OMA1: variants seen among roughly 807,000 people sequenced by gnomAD.
OMA1 encodes the protein OMA1 zinc metallopeptidase, also known as metalloendopeptidase OMA1, mitochondrial.
In OMA1, 38 loss-of-function variants were observed where a neutral mutation model predicts 30.9. The ratio of observed to expected loss-of-function variants is 1.23; its 90% CI spans 0.95 to 1.61. The LOEUF is 1.61. OMA1 is among the 40% of genes most tolerant of loss of function. The pLI, the probability that OMA1 is intolerant of heterozygous loss-of-function variation, is 0.00. For missense variants in OMA1, 461 were observed against 349.2 expected (o/e 1.32, Z -2.55); for synonymous variants, 173 against 121.9 (o/e 1.42, Z -2.76).
chr1:58,483,213 G>A (rs1439639269), intron 8 of OMA1, among the ~76,000 whole-genome samples: 2 of 152,168 alleles, frequency 1.3e-5, no homozygotes, highest in Admixed American at 6.5e-5. Context: ...GGCCTTGTGT[G>A]AATGTGTTCA....
At chr1:58,540,348 A>G (rs1014024810) in intron 1 of OMA1, among the ~76,000 whole-genome samples, 1 of 152,118 alleles carries the variant, frequency 6.6e-6, no homozygotes, top group East Asian at 1.9e-4. Context: ...GGTGCAATTT[A>G]TAATTAAAAA....
intron 3 of OMA1, among the ~76,000 whole-genome samples, chr1:58,535,399 A>T (rs1044006234): frequency 1.3e-5 from 2 of 152,128 alleles, no homozygotes; most frequent in Non-Finnish European, 1.5e-5. Flanking sequence ...GATCAAGACC[A>T]TCCTGGCCAA....
intron 3 of OMA1, among the ~76,000 whole-genome samples, chr1:58,536,241 C>T (rs1273487213): frequency 8.6e-5 from 13 of 152,014 alleles, no homozygotes; most frequent in African/African-American, 4.8e-5. Context: ...CCCTGCCTAA[C>T]CCAGTCTGGA....
At chr1:58,523,613 G>A (rs548399182) in intron 7 of OMA1, among the ~76,000 whole-genome samples, 1 of 152,118 alleles carries the variant, frequency 6.6e-6, no homozygotes, top group South Asian at 2.1e-4. Context: ...AGAACTGGCA[G>A]TCCTGGCCGG....
At chr1:58,539,649 T>C (rs1646573295) in intron 1 of OMA1, among the ~76,000 whole-genome samples, 1 of 152,216 alleles carries the variant, frequency 6.6e-6, no homozygotes, top group South Asian at 2.1e-4. Flanking sequence ...CTTTATCAGT[T>C]TGCAATAACT....
intron 2 of OMA1, among the ~76,000 whole-genome samples, chr1:58,537,241 A>G (rs562204374): frequency 6.6e-6 from 1 of 152,182 alleles, no homozygotes; most frequent in Non-Finnish European, 1.5e-5. Context: ...TAGCCACTTA[A>G]TAGGGATAAA....
At chr1:58,490,838 C>T (rs1485062229) in intron 8 of OMA1, among the ~76,000 whole-genome samples, 3 of 116,652 alleles carry the variant, frequency 2.6e-5, no homozygotes, top group Admixed American at 1.2e-4. Context: ...GACGGACTCT[C>T]GCTCTCGCCC....
intron 7 of OMA1, among the ~76,000 whole-genome samples, chr1:58,515,139 C>T (rs1303006116): frequency 6.6e-6 from 1 of 152,148 alleles, no homozygotes; most frequent in Admixed American, 6.6e-5. Flanking sequence ...TCTTAAAGCT[C>T]ATTTTATTTT....
chr1:58,485,467 C>A (rs1645561599), intron 8 of OMA1, among the ~76,000 whole-genome samples: 1 of 151,664 alleles, frequency 6.6e-6, no homozygotes, highest in African/African-American at 2.4e-5. Flanking sequence ...TCTATCACTA[C>A]TTCTTCATGT....
At chr1:58,531,690 GT>G (rs1474001414) in intron 5 of OMA1, among the ~76,000 whole-genome samples, 2 of 144,662 alleles carry the variant, frequency 1.4e-5, no homozygotes, top group Non-Finnish European at 3.0e-5. Context: ...ACAAATGTGT[GT>G]TTTGAAAAAC....
At chr1:58,488,367 G>A (rs981351186) in intron 8 of OMA1, among the ~76,000 whole-genome samples, 1 of 152,108 alleles carries the variant, frequency 6.6e-6, no homozygotes, top group Non-Finnish European at 1.5e-5. Context: ...AACAGGCAGT[G>A]TTCAGTTACG....
chr1:58,485,730 TACC>T (rs1645566537), intron 8 of OMA1, among the ~76,000 whole-genome samples: 1 of 152,186 alleles, frequency 6.6e-6, no homozygotes, highest in Non-Finnish European at 1.5e-5. Flanking sequence ...AAAATTTTCC[TACC>T]ATATAGCTAG....
In OMA1 at chr1:58,546,701, A is replaced by C. The variant is rs1392644695; in HGVS notation, c.-17+2T>G. ...GGGAAAAGCGTCACCGTGAGGACTG[A>C]CTCAAGCAGAAGCGAAAGCGGTGAC... is the stretch of plus-strand genomic sequence containing the variant. On this transcript the variant is annotated splice_donor_variant, in intron 1 of 8. Transcript: ENST00000371226. LOFTEE classifies it low-confidence loss of function (5UTR_SPLICE). The C allele has an allele frequency of 2.0e-5, 3 of 151,960 alleles. No individual in the cohort carries two copies. Among genetic ancestry groups the C allele is most frequent in the Admixed American group, 2.0e-4 (3 of 15,260 alleles). The allele number at this position is 151,960 out of a possible 1,614,324, so 9.4% of individuals were successfully genotyped here.
At position 58,539,243 on chromosome 1, in the gene OMA1, G is replaced by A. The variant is rs372256762; in HGVS notation, c.52C>T (p.Arg18Ter). 11 of 869,962 alleles carry A rather than the reference G, an allele frequency of 1.3e-5. No homozygotes were observed. Among genetic ancestry groups the A allele is most frequent in the East Asian group, 2.4e-5 (1 of 41,690 alleles). 53.9% of individuals were successfully genotyped at this position (869,962 alleles called of 1,614,324 possible). ...QSAARNHVFFRFNSLSNWRKC... is the reference protein window; with the variant it reads ...QSAARNHVFF ...CTCCAGTTAGACAGTGAATTAAATC[G>A]GAAGAAAACATGGTTTCTAGCAGCA... Residue 18 changes from arginine (R) to a stop codon, truncating the protein, a stop_gained, in exon 2 of 9, where the codon CGA (arginine) becomes TGA (stop). Coordinates refer to ENST00000371226, the MANE Select transcript of OMA1 (RefSeq NM_145243.5). LOFTEE classifies it high-confidence loss of function.
intron 1 of OMA1, among the ~76,000 whole-genome samples, chr1:58,543,978 T>C (rs1646662883): frequency 6.6e-6 from 1 of 152,190 alleles, no homozygotes; most frequent in Non-Finnish European, 1.5e-5. Flanking sequence ...GTGGCTAGTG[T>C]CTACTGTATC....
At chr1:58,503,870 A>T (rs992316391) in intron 8 of OMA1, among the ~76,000 whole-genome samples, 3 of 152,240 alleles carry the variant, frequency 2.0e-5, no homozygotes, top group Admixed American at 2.0e-4. Context: ...TTAAGAAGCC[A>T]TGCTTGGCTG....
At chr1:58,496,257 A>G (rs932710852) in intron 8 of OMA1, among the ~76,000 whole-genome samples, 26 of 151,974 alleles carry the variant, frequency 1.7e-4, no homozygotes, top group Admixed American at 8.5e-4. Context: ...TGAGGTATCA[A>G]TTCTGCTCTT....
intron 8 of OMA1, among the ~76,000 whole-genome samples, chr1:58,484,121 C>A (rs1049597891): frequency 6.6e-6 from 1 of 152,176 alleles, no homozygotes; most frequent in East Asian, 1.9e-4. Flanking sequence ...ATTTAGAACA[C>A]CACAGTGAGT....
rs766647870 is a variant in OMA1 at position 58,539,003 on chromosome 1, T to TA, written c.291dup (p.Thr98TyrfsTer5). 2 of 872,864 alleles carry TA rather than the reference T, an allele frequency of 2.3e-6. No homozygotes were observed. Among genetic ancestry groups the TA allele is most frequent in the East Asian group, 4.8e-5 (2 of 41,692 alleles). 54.1% of individuals were successfully genotyped at this position (872,864 alleles called of 1,614,324 possible). A position where few individuals can be genotyped will look rare whatever the true frequency, so the allele number is the denominator to read the frequency against. On this transcript the variant is annotated frameshift_variant, in exon 2 of 9. Coordinates refer to ENST00000371226, the MANE Select transcript of OMA1 (RefSeq NM_145243.5). LOFTEE classifies it high-confidence loss of function. ...CTTGAAAAAGCATCATTCCATACAG[T>TA]ACATTTGCTGGTAATCCTCCAAATT...
Sources: gnomAD v4.1 joint callset for allele counts (sites outside exome capture counted in the v4.1 genomes callset) on GRCh38, gnomAD v4.1.1 for gene constraint, MANE v1.5 for transcripts, NCBI Gene and HGNC (gene_info 2026-07-23, HGNC 2026-07-21) for gene names.